Variants in HDAC9 observed in about 807,000 individuals in gnomAD.
The protein encoded by HDAC9 is MEF-2 interacting transcription repressor (MITR) protein.
In HDAC9, 41 loss-of-function variants were observed where a neutral mutation model predicts 139.4. The observed-to-expected ratio is 0.29, with a 90% CI of 0.23 to 0.38. The LOEUF is 0.38. HDAC9 is among the 10% of genes least tolerant of loss of function. The pLI, the probability that HDAC9 is intolerant of heterozygous loss-of-function variation, is 1.00. For synonymous variants in HDAC9, 517 were observed against 476.2 expected, an observed-to-expected ratio of 1.09 and a Z score of -1.12; for missense variants, 1,147 against 1,297.0, an observed-to-expected ratio of 0.88 and a Z score of 1.78.
At chr7:18,511,892 G>A (rs185650990) in intron 2 of HDAC9, among the ~76,000 whole-genome samples, 1 of 152,000 alleles carries the variant, frequency 6.6e-6, no homozygotes, top group Non-Finnish European at 1.5e-5. Flanking sequence ...TGTTGGATTC[G>A]AGTGGTTTTC....
chr7:18,156,661 G>A lies in HDAC9; in HGVS notation c.-96-5568G>A, dbSNP rs372980682. Among the ~76,000 whole-genome samples the A allele has an allele frequency of 4.6e-5, 7 of 152,272 alleles. No homozygotes were observed. The South Asian group carries it at 1.5e-3, about 32-fold the overall frequency. On this transcript the variant is annotated intron_variant, in intron 1 of 12. Transcript: ENST00000417496. ...TGCAGTCCCTGAACTGAAGAACATA[G>A]TCTCATCATGGATGAAAGTACTCCA...
At chr7:18,648,396 TTGTG>T (rs1323588548) in intron 10 of HDAC9, 66 bp from the exon 11 acceptor site, 2 of 1,206,784 alleles carry the variant, frequency 1.7e-6, no homozygotes, top group South Asian at 1.3e-5. Flanking sequence ...TTTCTTAAAA[TTGTG>T]TGTGTGTGTA....
chr7:18,600,652 G>A (rs754422996), intron 6 of HDAC9, among the ~76,000 whole-genome samples: 5 of 152,036 alleles, frequency 3.3e-5, no homozygotes, highest in Non-Finnish European at 7.4e-5. Context: ...TTCTTTTGCC[G>A]ATACCACACT....
At chr7:18,356,715 G>A (rs1039549209) in intron 1 of HDAC9, among the ~76,000 whole-genome samples, 1 of 151,650 alleles carries the variant, frequency 6.6e-6, no homozygotes, top group African/African-American at 2.4e-5. Flanking sequence ...ATGGGGGAGG[G>A]TTGATGCCCA....
At chr7:18,870,264 C>T (rs1798813509) in intron 21 of HDAC9, among the ~76,000 whole-genome samples, 1 of 152,158 alleles carries the variant, frequency 6.6e-6, no homozygotes, top group Non-Finnish European at 1.5e-5. Context: ...TACTGCATTG[C>T]ACTTAGACAT....
chr7:18,258,951 C>CTTTTT lies in HDAC9; in HGVS notation c.25+96635_25+96639dup, dbSNP rs199607615. ...TAATAAAGTAGGGATTCTTCTTCTC[C>CTTTTT]TTTTTTTTTTTTTTTTTTTTTTTTT... On this transcript the variant is annotated intron_variant, in intron 2 of 12. Transcript: ENST00000417496. Among the ~76,000 whole-genome samples the CTTTTT allele has an allele frequency of 4.4e-4, 43 of 98,320 alleles. 1 individual carries two copies. Among genetic ancestry groups the CTTTTT allele is most frequent in the Non-Finnish European group, 7.0e-4 (33 of 47,006 alleles). The allele number at this position is 98,320 out of a possible 152,430, so 64.5% of individuals were successfully genotyped here.
intron 11 of HDAC9, among the ~76,000 whole-genome samples, chr7:18,656,558 T>C (rs1201586514): frequency 3.3e-5 from 5 of 152,154 alleles, no homozygotes; most frequent in African/African-American, 4.8e-5. Context: ...TTTTGCAATA[T>C]TGGTCAAGAT....
At chr7:18,663,860 T>A (rs1793977404) in intron 11 of HDAC9, among the ~76,000 whole-genome samples, 2 of 152,134 alleles carry the variant, frequency 1.3e-5, no homozygotes, top group South Asian at 4.1e-4. Context: ...TCACCTGCTC[T>A]TATTTGTAGT....
chr7:18,414,228 T>C (rs375985509), intron 1 of HDAC9, among the ~76,000 whole-genome samples: 1 of 152,162 alleles, frequency 6.6e-6, no homozygotes, highest in Non-Finnish European at 1.5e-5. Flanking sequence ...TTTCATTTTG[T>C]TAAAGGAAAT....
At chr7:18,973,440 G>A (rs977170807) in intron 24 of HDAC9, among the ~76,000 whole-genome samples, 4 of 152,156 alleles carry the variant, frequency 2.6e-5, no homozygotes, top group African/African-American at 9.7e-5. Flanking sequence ...ATGGTATATG[G>A]AATTTTCAAC....
intron 17 of HDAC9, among the ~76,000 whole-genome samples, chr7:18,808,571 C>T (rs936025398): frequency 3.3e-5 from 5 of 151,824 alleles, no homozygotes; most frequent in Admixed American, 2.6e-4. Flanking sequence ...ACAGAAAATA[C>T]TTAGAAAAAA....
chr7:18,735,700 A>T (rs7776647), intron 13 of HDAC9, among the ~76,000 whole-genome samples: 3 of 152,052 alleles, frequency 2.0e-5, no homozygotes, highest in Admixed American at 6.5e-5. Context: ...TTTGCTTAGG[A>T]TTGTCTTGGC....
chr7:18,169,625 G>A (rs570729322), intron 2 of HDAC9, among the ~76,000 whole-genome samples: 9 of 151,936 alleles, frequency 5.9e-5, no homozygotes, highest in Admixed American at 1.3e-4. Flanking sequence ...CCCACCGCAC[G>A]ACAGGCCCCG....
intron 12 of HDAC9, among the ~76,000 whole-genome samples, chr7:18,676,392 G>A (rs927707990): frequency 6.6e-6 from 1 of 150,914 alleles, no homozygotes; most frequent in Non-Finnish European, 1.5e-5. Flanking sequence ...AAAGAACTTA[G>A]AATGGGAAAT....
intron 2 of HDAC9, among the ~76,000 whole-genome samples, chr7:18,574,991 C>T (rs908863721): frequency 6.6e-6 from 1 of 152,256 alleles, no homozygotes; most frequent in African/African-American, 2.4e-5. Flanking sequence ...CCCGCCTGTT[C>T]CCAGCTCCTG....
intron 1 of HDAC9, among the ~76,000 whole-genome samples, chr7:18,335,290 A>G (rs1468371485): frequency 1.1e-4 from 16 of 151,570 alleles, no homozygotes; most frequent in Non-Finnish European, 2.4e-4. Flanking sequence ...CAATTTAGCA[A>G]TAGCTGCAGA....
intron 2 of HDAC9, among the ~76,000 whole-genome samples, chr7:18,264,308 G>A (rs997563332): frequency 6.6e-6 from 1 of 152,022 alleles, no homozygotes; most frequent in Non-Finnish European, 1.5e-5. Context: ...AGGACCAACA[G>A]CATGCAAAGT....
At chr7:18,314,876 T>G (rs1799534836) in intron 1 of HDAC9, among the ~76,000 whole-genome samples, 1 of 152,236 alleles carries the variant, frequency 6.6e-6, no homozygotes, top group South Asian at 2.1e-4. Flanking sequence ...TTTCAGATTT[T>G]TATTCTTCAT....
intron 1 of HDAC9, among the ~76,000 whole-genome samples, chr7:18,323,781 TCTGTTTGGG>T (rs1800220644): frequency 6.6e-6 from 1 of 152,048 alleles, no homozygotes; most frequent in African/African-American, 2.4e-5. Context: ...GGTGTCTTAG[TCTGTTTGGG>T]CTGCTGTAAC....
Sources: gnomAD v4.1 joint callset for allele counts (sites outside exome capture counted in the v4.1 genomes callset) on GRCh38, gnomAD v4.1.1 for gene constraint, MANE v1.5 for transcripts, NCBI Gene and HGNC (gene_info 2026-07-23, HGNC 2026-07-21) for gene names.